The following ZNF623 variants were observed in gnomAD, a reference collection of about 807,000 sequenced individuals.
ZNF623 encodes zinc finger protein 623.
In ZNF623, 16 loss-of-function variants were observed where a neutral mutation model predicts 24.0. That is an observed-to-expected ratio of 0.67 (90% confidence interval 0.45 to 1.01). ZNF623 has a LOEUF of 1.01. Ranked by LOEUF, ZNF623 falls within the 50% of genes least tolerant of loss-of-function variation. The pLI is 0.00. For missense variants in ZNF623, 566 were observed against 606.5 expected, an observed-to-expected ratio of 0.93 and a Z score of 0.70; for synonymous variants, 224 against 219.8, an observed-to-expected ratio of 1.02 and a Z score of -0.17.
At chr8:143,637,025 CA>C (rs996645679) in intron 1 of ZNF623, among the ~76,000 whole-genome samples, 33 of 152,344 alleles carry the variant, frequency 2.2e-4, no homozygotes, top group African/African-American at 7.9e-4. Context: ...GGAGAGGACA[CA>C]GGGGGCTCGT....
intron 1 of ZNF623, among the ~76,000 whole-genome samples, chr8:143,644,829 TAAA>T (rs11332349): frequency 1.5e-4 from 20 of 131,220 alleles, no homozygotes; most frequent in Middle Eastern, 4.1e-3. Flanking sequence ...AGACTATCTT[TAAA>T]AAAAAAAAAA....
In ZNF623 at chr8:143,651,560, A is replaced by G. The variant is rs1815322519; in HGVS notation, c.*77A>G. The G allele has an allele frequency of 6.7e-7, 1 of 1,497,488 alleles. No individual in the cohort carries two copies. The highest frequency in any genetic ancestry group is 1.4e-5 in the African/African-American group (1 of 71,238). 92.8% of individuals were successfully genotyped at this position (1,497,488 alleles called of 1,614,324 possible). ...GATTCATGTGGTTTCTAAGATTTGG[A>G]CATGTCAGAATTTTGTGAGTCATGG... On this transcript the variant is annotated 3_prime_UTR_variant, in exon 2 of 2. Coordinates refer to ENST00000526926, the MANE Select transcript of ZNF623 (RefSeq NM_001261843.2).
chr8:143,647,590 C>T (rs1255991908), intron 1 of ZNF623, among the ~76,000 whole-genome samples: 1 of 152,090 alleles, frequency 6.6e-6, no homozygotes, highest in East Asian at 1.9e-4. Flanking sequence ...TGCAAAGGCT[C>T]CGAGGGGGCA....
At chr8:143,647,947 G>A (rs930626870) in intron 1 of ZNF623, among the ~76,000 whole-genome samples, 1 of 152,168 alleles carries the variant, frequency 6.6e-6, no homozygotes, top group East Asian at 1.9e-4. Context: ...AAGGGTTATT[G>A]CAGTGTCTGT....
rs771388232 is a variant in ZNF623, at chr8:143,650,313, G to A, written c.321G>A (p.Gly107=). The change falls in exon 2 of 2, where the codon GGG becomes GGA. Residue 107 remains glycine (G), a synonymous_variant. Coordinates refer to ENST00000526926, the MANE Select transcript of ZNF623 (RefSeq NM_001261843.2). This position sits in a 1 kb window ranked among gnomAD's most constrained non-coding sequence, Gnocchi z 5.2. ...TTAGGCATCGGATTTCGCATGCTGG[G>A]GAGAAACCTTACACGTGCGATCAGT... ...DLVRHRISHA[G]EKPYTCDQCG... 3.1e-6 allele frequency: 5 copies of A among 1,614,100 alleles called. No homozygotes were observed. The East Asian group carries it at 6.7e-5, about 22-fold the overall frequency.
At chr8:143,638,223 C>A (rs1172808202) in intron 1 of ZNF623, among the ~76,000 whole-genome samples, 1 of 151,756 alleles carries the variant, frequency 6.6e-6, no homozygotes, top group Non-Finnish European at 1.5e-5. Context: ...CCCCTGTAAT[C>A]CCAGCTAGTC....
At chr8:143,637,472 A>T (rs1032842318) in intron 1 of ZNF623, among the ~76,000 whole-genome samples, 1 of 152,162 alleles carries the variant, frequency 6.6e-6, no homozygotes, top group Non-Finnish European at 1.5e-5. Flanking sequence ...ACACCCCTAG[A>T]CACCCCAGAG....
At chr8:143,637,102 G>A (rs1181973386) in intron 1 of ZNF623, among the ~76,000 whole-genome samples, 3 of 152,230 alleles carry the variant, frequency 2.0e-5, no homozygotes, top group Non-Finnish European at 2.9e-5. Context: ...TGGGTGGGGC[G>A]GGGGCAGTTG....
rs1436498082 is a variant in ZNF623, at chr8:143,650,478, A to T, written c.486A>T (p.Ser162=). 2 of 1,614,128 alleles carry T rather than the reference A, an allele frequency of 1.2e-6. No homozygotes were observed. Among genetic ancestry groups the T allele is most frequent in the Non-Finnish European group, 1.7e-6 (2 of 1,180,034 alleles). Residue 162 remains serine (S), a synonymous_variant, in exon 2 of 2, where the codon TCA becomes TCT. Coordinates refer to ENST00000526926, the MANE Select transcript of ZNF623 (RefSeq NM_001261843.2). This position sits in a 1 kb window ranked among gnomAD's most constrained non-coding sequence, Gnocchi z 5.2. ...TCATTGAGCATCAGCGCGTTCATTC[A>T]GGAGAAAAGCCCTTCAAATGTGCGC... ...SGLIEHQRVH[S]GEKPFKCAQC... is the part of the protein sequence containing the mutation.
chr8:143,643,745 C>T (rs1181611077), intron 1 of ZNF623, among the ~76,000 whole-genome samples: 1 of 152,238 alleles, frequency 6.6e-6, no homozygotes, highest in Non-Finnish European at 1.5e-5. Context: ...ACAATATGAG[C>T]TCTTTTGTGC....
intron 1 of ZNF623, chr8:143,636,348 G>C (rs527372609): frequency 6.3e-4 from 96 of 152,420 alleles, no homozygotes; most frequent in African/African-American, 2.3e-3. Flanking sequence ...CCCCCGCGAG[G>C]CTGCGGCGTC....
chr8:143,637,765 G>T (rs903856561), intron 1 of ZNF623, among the ~76,000 whole-genome samples: 7 of 152,082 alleles, frequency 4.6e-5, no homozygotes, highest in Non-Finnish European at 1.0e-4. Context: ...GGTCAGGCTG[G>T]TCTTGAACTC....
At position 143,653,039 on chromosome 8, in the gene ZNF623, ACAT is replaced by A. The variant is rs992824685; in HGVS notation, c.*1557_*1559del. On this transcript the variant is annotated 3_prime_UTR_variant, in exon 2 of 2. Transcript: ENST00000526926. ...CTGGGAAGGCCTTACAGAAGAGGTG[ACAT>A]TTCAGCTGGGCCAGAGATCAGTAGA... 2 of 167,252 alleles carry A rather than the reference ACAT, an allele frequency of 1.2e-5. No homozygotes were observed. The highest frequency in any genetic ancestry group is 2.9e-5 in the Non-Finnish European group (2 of 68,220). The allele number at this position is 167,252 out of a possible 1,614,324, so 10.4% of individuals were successfully genotyped here. A position where few individuals can be genotyped will look rare whatever the true frequency, so the allele number is the denominator to read the frequency against.
Position 143,651,051 on chromosome 8 carries a change from C to T in ZNF623, c.1059C>T (p.His353=), listed in dbSNP as rs763429624. 60 of 1,613,936 alleles carry T rather than the reference C, an allele frequency of 3.7e-5. 1 individual carries two copies. The Admixed American group carries it at 9.7e-4, about 26-fold the overall frequency. ...AFFLSSYLIR[H]QKIHTGERVY... The stretch of plus-strand genomic sequence containing the variant: ...TTCTGAGTTCATACCTTATTCGACA[C>T]CAGAAAATCCACACTGGAGAGAGAG... The change falls in exon 2 of 2, where the codon CAC becomes CAT. Residue 353 remains histidine (H), a synonymous_variant. Coordinates refer to ENST00000526926, the MANE Select transcript of ZNF623 (RefSeq NM_001261843.2).
chr8:143,643,037 A>T (rs186566849), intron 1 of ZNF623, among the ~76,000 whole-genome samples: 82 of 152,264 alleles, frequency 5.4e-4, no homozygotes, highest in African/African-American at 1.6e-3. Flanking sequence ...AATCACACAG[A>T]CCCTGGGAAG....
intron 1 of ZNF623, among the ~76,000 whole-genome samples, chr8:143,643,259 G>T (rs1179709214): frequency 6.6e-6 from 1 of 152,216 alleles, no homozygotes; most frequent in Non-Finnish European, 1.5e-5. Flanking sequence ...TTTCCCCAGG[G>T]CCTCCAGATG....
chr8:143,651,629 C>G lies in ZNF623; in HGVS notation c.*146C>G. ...TGGGTGCCACCTGCCACTGTGCAGC[C>G]CTACTCGGCTCAGCCCTTCTCCTCA... On this transcript the variant is annotated 3_prime_UTR_variant, in exon 2 of 2. Coordinates refer to ENST00000526926, the MANE Select transcript of ZNF623 (RefSeq NM_001261843.2). The G allele has an allele frequency of 1.1e-6, 1 of 905,272 alleles. No individual in the cohort carries two copies. The highest frequency in any genetic ancestry group is 1.7e-6 in the Non-Finnish European group (1 of 600,322). 56.1% of individuals were successfully genotyped at this position (905,272 alleles called of 1,614,324 possible). A position where few individuals can be genotyped will look rare whatever the true frequency, so the allele number is the denominator to read the frequency against.
chr8:143,649,295 A>G (rs1046570967), intron 1 of ZNF623, among the ~76,000 whole-genome samples: 2 of 129,304 alleles, frequency 1.5e-5, no homozygotes, highest in Non-Finnish European at 3.0e-5. Flanking sequence ...AAAAAACAAA[A>G]ACAAACAAAA....
chr8:143,650,200 C>T lies in ZNF623; in HGVS notation c.208C>T (p.Leu70Phe), dbSNP rs372484982. 2 of 1,614,158 alleles carry T rather than the reference C, an allele frequency of 1.2e-6. No homozygotes were observed. Among genetic ancestry groups the T allele is most frequent in the Non-Finnish European group, 8.5e-7 (1 of 1,179,994 alleles). The change falls in exon 2 of 2, where the codon CTT becomes TTT. Residue 70 changes from leucine to phenylalanine, a missense_variant. Leu to Phe is a conservative substitution (Grantham distance 22). Around this residue, in one of 3 missense-constraint regions of ZNF623, gnomAD observed 313 missense variants for 300.4 expected, o/e 1.04. Transcript: ENST00000526926. The surrounding 1 kb of genome is among the most constrained non-coding windows in gnomAD (Gnocchi z 5.2). ...SGRNHILNSD[L>F]LLLQRELIEG... ...AAGAAACCATATTCTGAACTCAGAC[C>T]TTCTTCTGCTTCAGAGAGAGCTCAT...
Sources: allele counts gnomAD v4.1 joint callset (sites outside exome capture counted in the v4.1 genomes callset), GRCh38; gene constraint gnomAD v4.1.1; regional missense constraint gnomAD v4.1.1; non-coding constraint Gnocchi (gnomAD v3.1); transcripts MANE v1.5; gene names NCBI Gene and HGNC (gene_info 2026-07-23, HGNC 2026-07-21).